FBXO22: variants seen among roughly 807,000 people sequenced by gnomAD.
The protein encoded by FBXO22 is F-box protein 22, also known as F-box only protein 22.
FBXO22 carries 13 observed loss-of-function variants against 37.2 expected under a neutral mutation model. That is an observed-to-expected ratio of 0.35 (90% CI 0.23 to 0.56). The LOEUF is 0.56. Ranked by LOEUF, FBXO22 falls within the 20% of genes least tolerant of loss-of-function variation. The pLI is 0.87. For missense variants in FBXO22, 446 were observed against 509.9 expected (o/e 0.87, Z 1.21); for synonymous variants, 189 against 189.1 (o/e 1.00, Z 0.00).
chr15:75,906,419 A>G (rs1223724583), intron 2 of FBXO22, among the ~76,000 whole-genome samples: 1 of 152,178 alleles, frequency 6.6e-6, no homozygotes, highest in Non-Finnish European at 1.5e-5. Context: ...ATATACATAT[A>G]CACACATTTA....
At chr15:75,908,304 C>T (rs757873955) in intron 2 of FBXO22, among the ~76,000 whole-genome samples, 1 of 150,672 alleles carries the variant, frequency 6.6e-6, no homozygotes, top group African/African-American at 2.4e-5. Context: ...GACAGAGTCT[C>T]GCCTGTCGCC....
Position 75,904,614 on chromosome 15 carries a change from A to G in FBXO22, c.264A>G (p.Val88=). 2 of 1,609,332 alleles carry G rather than the reference A, an allele frequency of 1.2e-6. No individual in the cohort carries two copies. Among genetic ancestry groups the G allele is most frequent in the Non-Finnish European group, 1.7e-6 (2 of 1,176,920 alleles). ...HLEGHCLVRV[V]AEELENVRIL... ...AGGGGCATTGCTTGGTTCGCGTGGT[A>G]GCAGAGGAGCTTGAGGCAAGTAGCA... Residue 88 remains valine (V), a synonymous_variant, in exon 2 of 7, where the codon GTA becomes GTG. Transcript: ENST00000308275.
chr15:75,912,196 AT>A (rs1360214444), intron 2 of FBXO22, among the ~76,000 whole-genome samples: 1 of 151,850 alleles, frequency 6.6e-6, no homozygotes, highest in East Asian at 1.9e-4. Flanking sequence ...GAGGATTTTC[AT>A]ATCGATATTC....
At chr15:75,917,421 T>C in intron 5 of FBXO22, 27 bp downstream of exon 5, 1 of 1,482,038 alleles carries the variant, frequency 6.7e-7, no homozygotes, top group African/African-American at 1.4e-5. Flanking sequence ...TATCATTAAC[T>C]GCTCATTTTA....
Position 75,906,916 on chromosome 15 carries a change from G to T in FBXO22, c.279+2287G>T, listed in dbSNP as rs145456922. On this transcript the variant is annotated intron_variant, in intron 2 of 6. Coordinates refer to ENST00000308275, the MANE Select transcript of FBXO22 (RefSeq NM_147188.3). ...AATTATAGACTGCAAATGCATTAAT[G>T]ACAAGAGAAAATGTTGATTTTAAAA... 6.9e-3 allele frequency among the ~76,000 whole-genome samples: 1,056 copies of T among 152,202 alleles called. 10 individuals are homozygous for T. Among genetic ancestry groups the T allele is most frequent in the African/African-American group, 0.024 (1,004 of 41,524 alleles).
chr15:75,917,194 G>T, intron 4 of FBXO22, 36 bp from the exon 5 acceptor site: 2 of 1,519,574 alleles, frequency 1.3e-6, no homozygotes, highest in South Asian at 2.4e-5. Flanking sequence ...AGTTTTTACT[G>T]ACTCTATTGG....
intron 1 of FBXO22, 187 bp from the exon 2 acceptor site, chr15:75,904,304 C>T (rs1002283337): frequency 6.4e-6 from 7 of 1,093,690 alleles, no homozygotes; most frequent in Non-Finnish European, 7.7e-6. Flanking sequence ...GGCGAAGTTC[C>T]CCTTAAGGTT....
intron 4 of FBXO22, 147 bp from the exon 5 acceptor site, chr15:75,917,083 C>T (rs28636006): frequency 0.039 from 22,533 of 579,214 alleles, 525 homozygotes; most frequent in Admixed American, 0.056. Context: ...TGGCAAACAT[C>T]ATGACACTAC....
intron 2 of FBXO22, among the ~76,000 whole-genome samples, chr15:75,907,511 C>G (rs1373032981): frequency 2.0e-5 from 3 of 152,020 alleles, no homozygotes; most frequent in African/African-American, 7.3e-5. Context: ...CCAAATCATA[C>G]GTGCTGTTTA....
At chr15:75,908,191 T>C (rs1899970354) in intron 2 of FBXO22, among the ~76,000 whole-genome samples, 1 of 152,118 alleles carries the variant, frequency 6.6e-6, no homozygotes, top group African/African-American at 2.4e-5. Context: ...GTAAGAAACC[T>C]GAGGCCTAAA....
intron 5 of FBXO22, among the ~76,000 whole-genome samples, chr15:75,928,392 A>C (rs1167955639): frequency 6.6e-6 from 1 of 152,186 alleles, no homozygotes; most frequent in African/African-American, 2.4e-5. Context: ...AATGTAGTAC[A>C]TATGCAGCCA....
intron 5 of FBXO22, 107 bp downstream of exon 5, chr15:75,917,501 A>AT (rs1185971205): frequency 1.3e-6 from 1 of 768,388 alleles, no homozygotes; most frequent in Non-Finnish European, 2.1e-6. Context: ...GAGAATCTGA[A>AT]TTAAGTACAC....
chr15:75,917,495 ATC>A, intron 5 of FBXO22, 101 bp downstream of exon 5: 1 of 848,020 alleles, frequency 1.2e-6, no homozygotes. Flanking sequence ...CTTTGGGAGA[ATC>A]TGAATTAAGT....
chr15:75,936,083 A>AGTG lies in FBXO22; in HGVS notation c.*2982_*2983insTGG, dbSNP rs2030313150. The stretch of plus-strand genomic sequence containing the variant: ...ATTACAGGCATGAGCCACTGCGCCC[A>AGTG]GCCACAAATCTGAGAACTTTCTATG... On this transcript the variant is annotated 3_prime_UTR_variant, in exon 7 of 7. Coordinates refer to ENST00000308275, the MANE Select transcript of FBXO22 (RefSeq NM_147188.3). 1.3e-5 allele frequency: 2 copies of AGTG among 152,134 alleles called. No homozygotes were observed. Among genetic ancestry groups the AGTG allele is most frequent in the Non-Finnish European group, 2.9e-5 (2 of 68,014 alleles). 9.4% of individuals were successfully genotyped at this position (152,134 alleles called of 1,614,324 possible). A position where few individuals can be genotyped will look rare whatever the true frequency, so the allele number is the denominator to read the frequency against.
chr15:75,931,136 G>A (rs966186204), intron 6 of FBXO22, among the ~76,000 whole-genome samples: 4 of 152,042 alleles, frequency 2.6e-5, no homozygotes, highest in Non-Finnish European at 2.9e-5. Context: ...AATTGTGTAC[G>A]GATAGGGCAA....
rs1369936441 is a variant in FBXO22, at chr15:75,934,817, G to T, written c.*1715G>T. The T allele has an allele frequency of 2.0e-5, 3 of 152,102 alleles. No individual in the cohort carries two copies. The highest frequency in any genetic ancestry group is 4.4e-5 in the Non-Finnish European group (3 of 68,022). The allele number at this position is 152,102 out of a possible 1,614,324, so 9.4% of individuals were successfully genotyped here. On this transcript the variant is annotated 3_prime_UTR_variant, in exon 7 of 7. Transcript: ENST00000308275. The stretch of plus-strand genomic sequence containing the variant: ...ATTGTCCCTGATATTAACCAGAATT[G>T]GTTGAATAGTAGAGGAAAAGGGATT...
chr15:75,938,024 CG>C lies in FBXO22; in HGVS notation c.*4924del, dbSNP rs1287948335. On this transcript the variant is annotated 3_prime_UTR_variant, in exon 7 of 7. Transcript: ENST00000308275. The stretch of plus-strand genomic sequence containing the variant: ...TGCATGCCCAGGGAAAACACTTGCC[CG>C]GAAAGTTCTAAGACCCAAGCTTTCA... 1.3e-5 allele frequency: 2 copies of C among 152,176 alleles called. No homozygotes were observed. Among genetic ancestry groups the C allele is most frequent in the African/African-American group, 4.8e-5 (2 of 41,434 alleles). 9.4% of individuals were successfully genotyped at this position (152,176 alleles called of 1,614,324 possible).
Position 75,904,822 on chromosome 15 carries a change from G to A in FBXO22, c.279+193G>A, listed in dbSNP as rs996237926. Among the ~76,000 whole-genome samples, 21 of 120,746 alleles carry A rather than the reference G, an allele frequency of 1.7e-4. 2 individuals carry two copies. In the South Asian group the frequency reaches 4.6e-3, roughly 27 times the overall value. The allele number at this position is 120,746 out of a possible 152,430, so 79.2% of individuals were successfully genotyped here. ...TTTATTTGACCGTTCATCAAATGTT[G>A]GGCCTTTTTTTTTTTTTTTGAGACG... On this transcript the variant is annotated intron_variant, in intron 2 of 6. Transcript: ENST00000308275.
Position 75,941,751 on chromosome 15 carries a change from A to G in FBXO22, c.*8649A>G, listed in dbSNP as rs335718. 150,430 of 152,188 alleles carry G rather than the reference A, an allele frequency of 0.99. 74,368 individuals are homozygous for G. Among genetic ancestry groups the G allele is most frequent in the East Asian group, 1 (5,175 of 5,176 alleles). 9.4% of individuals were successfully genotyped at this position (152,188 alleles called of 1,614,324 possible). Reference sequence around the variant, plus strand: ...ACAAAGATTACGTTTTGTCACAGGGAGCAGGAGGGAATGGGAATTTATTGT... The same window carrying G: ...ACAAAGATTACGTTTTGTCACAGGGGGCAGGAGGGAATGGGAATTTATTGT... On this transcript the variant is annotated 3_prime_UTR_variant, in exon 7 of 7. Transcript: ENST00000308275.
Sources: allele counts gnomAD v4.1 joint callset (sites outside exome capture counted in the v4.1 genomes callset), GRCh38; gene constraint gnomAD v4.1.1; transcripts MANE v1.5; gene names NCBI Gene and HGNC (gene_info 2026-07-23, HGNC 2026-07-21).